The following CHODL variants were observed in gnomAD, a reference collection of about 807,000 sequenced individuals.
CHODL encodes chondrolectin.
In CHODL, 29 loss-of-function variants were observed where a neutral mutation model predicts 34.5. The observed-to-expected ratio is 0.84, with a 90% CI of 0.63 to 1.15. The LOEUF (loss-of-function observed/expected upper bound fraction) is 1.15. Ranked by LOEUF, CHODL falls within the 50% of genes most tolerant of loss-of-function variation. CHODL has a pLI of 0.00. For missense variants in CHODL, 332 were observed against 332.5 expected, an observed-to-expected ratio of 1.00 and a Z score of 0.01; for synonymous variants, 125 against 116.1, an observed-to-expected ratio of 1.08 and a Z score of -0.49.
rs75025284 is a variant in CHODL, at chr21:18,246,086, G to A, written c.79+784G>A. 0.013 allele frequency: 9,146 copies of A among 713,500 alleles called. 605 individuals are homozygous for A. The African/African-American group carries it at 0.14, about 11-fold the overall frequency. The allele number at this position is 713,500 out of a possible 1,614,324, so 44.2% of individuals were successfully genotyped here. A position where few individuals can be genotyped will look rare whatever the true frequency, so the allele number is the denominator to read the frequency against. On this transcript the variant is annotated intron_variant, in intron 1 of 5. Transcript: ENST00000299295. ...GACTCTCACTGTCCTGTCGTTGAGC[G>A]ATTTATATTGCAATTACTCTCCCTT...
intron 1 of CHODL, among the ~76,000 whole-genome samples, chr21:17,976,672 C>T (rs1203529094): frequency 6.6e-6 from 1 of 152,150 alleles, no homozygotes; most frequent in Non-Finnish European, 1.5e-5. Flanking sequence ...GATATTTGTT[C>T]AGCTCTTACT....
At chr21:18,053,255 G>T (rs2146472031) in intron 2 of CHODL, among the ~76,000 whole-genome samples, 2 of 151,930 alleles carry the variant, frequency 1.3e-5, no homozygotes, top group Middle Eastern at 3.4e-3. Flanking sequence ...GCAAAATTTG[G>T]CAAATAAATA....
intron 2 of CHODL, among the ~76,000 whole-genome samples, chr21:18,186,705 T>C (rs1175710695): frequency 6.6e-6 from 1 of 152,228 alleles, no homozygotes; most frequent in Non-Finnish European, 1.5e-5. Context: ...CGATTTGTTA[T>C]CATTTTGCTT....
chr21:18,004,338 A>G (rs1319005590), intron 1 of CHODL, among the ~76,000 whole-genome samples: 1 of 152,250 alleles, frequency 6.6e-6, no homozygotes, highest in Non-Finnish European at 1.5e-5. Context: ...AAGTGGTGTC[A>G]AAGGTCTAAA....
At chr21:18,128,321 AAAAAAAAAAAAAAAAAAAAAG>A (rs1163860792) in intron 2 of CHODL, among the ~76,000 whole-genome samples, 11 of 137,306 alleles carry the variant, frequency 8.0e-5, no homozygotes, top group African/African-American at 1.9e-4. Flanking sequence ...AAAAAAAAAA[AAAAAAAAAAAAAAAAAAAAAG>A]AAGAAGAAGA....
intron 2 of CHODL, among the ~76,000 whole-genome samples, chr21:18,029,266 G>C (rs1440945613): frequency 1.3e-5 from 2 of 152,088 alleles, no homozygotes; most frequent in Non-Finnish European, 2.9e-5. Context: ...CATATATATT[G>C]ATGTGGGGGA....
intron 2 of CHODL, among the ~76,000 whole-genome samples, chr21:18,038,347 G>C (rs575217576): frequency 3.8e-4 from 58 of 151,670 alleles, no homozygotes; most frequent in African/African-American, 1.4e-3. Context: ...ATTAACCTCA[G>C]GCATTTGAAT....
chr21:17,940,749 G>T (rs1458719962), intron 1 of CHODL, among the ~76,000 whole-genome samples: 2 of 152,152 alleles, frequency 1.3e-5, no homozygotes, highest in Admixed American at 6.5e-5. Flanking sequence ...TCTATCTGTT[G>T]TGAGCAGGGT....
intron 2 of CHODL, among the ~76,000 whole-genome samples, chr21:18,214,716 T>G (rs1416082113): frequency 6.6e-6 from 1 of 152,158 alleles, no homozygotes; most frequent in African/African-American, 2.4e-5. Context: ...ACAAGCACTC[T>G]TCTAGGTACT....
intron 2 of CHODL, among the ~76,000 whole-genome samples, chr21:18,108,845 G>GTT (rs1209017206): frequency 1.5e-5 from 2 of 131,038 alleles, no homozygotes; most frequent in Admixed American, 1.4e-4. Context: ...TGTTGTGTGT[G>GTT]TGTGTGTGTG....
At chr21:18,020,329 G>A (rs1008909246) in intron 1 of CHODL, among the ~76,000 whole-genome samples, 7 of 152,140 alleles carry the variant, frequency 4.6e-5, no homozygotes, top group African/African-American at 1.7e-4. Context: ...CAAGGAAATT[G>A]AGGAGGTAAA....
chr21:18,169,993 A>T (rs965608724), intron 2 of CHODL, among the ~76,000 whole-genome samples: 5 of 151,812 alleles, frequency 3.3e-5, no homozygotes, highest in African/African-American at 1.2e-4. Flanking sequence ...TTCAGTTTTG[A>T]ATTTTGTACT....
chr21:18,157,126 C>CCTG (rs2073043864), intron 2 of CHODL, among the ~76,000 whole-genome samples: 1 of 152,170 alleles, frequency 6.6e-6, no homozygotes, highest in Non-Finnish European at 1.5e-5. Context: ...AGTCACACAC[C>CCTG]TGCTTACATG....
chr21:18,129,922 G>C (rs867647822), intron 2 of CHODL, among the ~76,000 whole-genome samples: 2 of 135,342 alleles, frequency 1.5e-5, no homozygotes, highest in Admixed American at 7.9e-5. Context: ...GTGTGTGTGT[G>C]TGTGTGTCTG....
At chr21:18,210,836 ACT>A (rs1401442878) in intron 2 of CHODL, among the ~76,000 whole-genome samples, 2 of 152,112 alleles carry the variant, frequency 1.3e-5, no homozygotes, top group Non-Finnish European at 2.9e-5. Context: ...TGTCAGAGTA[ACT>A]CTATCAAAAC....
At chr21:18,122,702 T>G (rs966756297) in intron 2 of CHODL, among the ~76,000 whole-genome samples, 1 of 152,212 alleles carries the variant, frequency 6.6e-6, no homozygotes, top group African/African-American at 2.4e-5. Context: ...ATAATACATG[T>G]AGATTACAAA....
intron 2 of CHODL, among the ~76,000 whole-genome samples, chr21:18,210,605 G>A (rs558505404): frequency 2.0e-5 from 3 of 152,114 alleles, no homozygotes; most frequent in South Asian, 4.2e-4. Context: ...TCCTCTTTTC[G>A]CATCTCCAGT....
chr21:17,919,585 G>A (rs2063168266), intron 1 of CHODL, among the ~76,000 whole-genome samples: 1 of 152,028 alleles, frequency 6.6e-6, no homozygotes, highest in Non-Finnish European at 1.5e-5. Context: ...AAATCTCCAA[G>A]CCTATGATAA....
At chr21:18,233,459 G>T (rs1286488206) in intron 2 of CHODL, among the ~76,000 whole-genome samples, 1 of 151,956 alleles carries the variant, frequency 6.6e-6, no homozygotes, top group South Asian at 2.1e-4. Context: ...ACATTCATGA[G>T]GATGAAACAA....
Sources: allele counts gnomAD v4.1 joint callset (sites outside exome capture counted in the v4.1 genomes callset), GRCh38; gene constraint gnomAD v4.1.1; transcripts MANE v1.5; gene names NCBI Gene and HGNC (gene_info 2026-07-23, HGNC 2026-07-21).